The following NIBAN1 variants were observed in gnomAD, a reference collection of about 807,000 sequenced individuals.
NIBAN1 encodes the protein protein Niban 1.
Under a neutral mutation model 75.1 loss-of-function variants are expected in NIBAN1, and 81 were observed. That is an observed-to-expected ratio of 1.08 (90% confidence interval 0.90 to 1.30). The LOEUF is 1.30. NIBAN1 is among the 50% of genes most tolerant of loss of function. The probability of loss-of-function intolerance (pLI) is 0.00; values close to 1 mark genes in which losing one functional copy is unlikely to be tolerated. For missense variants in NIBAN1, 1,133 were observed against 1,128.1 expected (o/e 1.00, Z -0.06); for synonymous variants, 436 against 424.8 (o/e 1.03, Z -0.32).
chr1:184,818,522 G>A, intron 9 of NIBAN1, 116 bp downstream of exon 9: 1 of 1,050,260 alleles, frequency 9.5e-7, no homozygotes, highest in Non-Finnish European at 1.4e-6. Context: ...GGGAAGGGCA[G>A]AAGAATGGAA....
chr1:184,930,997 C>CTTTTTTCTT (rs1553229154), intron 1 of NIBAN1, among the ~76,000 whole-genome samples: 2,142 of 114,386 alleles, frequency 0.019, 64 homozygotes, highest in African/African-American at 0.068. Context: ...TTTTCTTCTT[C>CTTTTTTCTT]TTTTTTTTTT....
intron 5 of NIBAN1, among the ~76,000 whole-genome samples, chr1:184,840,127 A>G (rs567254545): frequency 1.4e-4 from 22 of 152,348 alleles, no homozygotes; most frequent in Admixed American, 1.2e-3. Context: ...ATGAAATGGT[A>G]ATAAAAGTTT....
chr1:184,794,756 T>C lies in NIBAN1; in HGVS notation c.*221A>G. 1.6e-6 allele frequency: 1 copy of C among 622,724 alleles called. No individual in the cohort carries two copies. Among genetic ancestry groups the C allele is most frequent in the East Asian group, 2.9e-5 (1 of 34,958 alleles). The allele number at this position is 622,724 out of a possible 1,614,324, so 38.6% of individuals were successfully genotyped here. On this transcript the variant is annotated 3_prime_UTR_variant, in exon 14 of 14. Transcript: ENST00000367511. ...CCCAAGTATGCCATTGTCTTTGTAA[T>C]TCTTATTAAAATACTAAAGCAAAAA... is the stretch of plus-strand genomic sequence containing the variant.
chr1:184,830,811 G>A (rs1469178648), intron 6 of NIBAN1, among the ~76,000 whole-genome samples: 2 of 152,016 alleles, frequency 1.3e-5, no homozygotes, highest in Non-Finnish European at 2.9e-5. Flanking sequence ...GACTAGCCTG[G>A]CCAACATGGT....
Position 184,861,596 on chromosome 1 carries a change from G to A in NIBAN1, c.601+23037C>T, listed in dbSNP as rs373221234. Among the ~76,000 whole-genome samples, 8 of 141,900 alleles carry A rather than the reference G, an allele frequency of 5.6e-5. No homozygotes were observed. The South Asian group carries it at 6.8e-4, about 12-fold the overall frequency. 93.1% of individuals were successfully genotyped at this position (141,900 alleles called of 152,430 possible). ...AAGGAAGGAAGGAGGGAAGGAAGGA[G>A]GGAAGGAAGGAAGGAAAGGAGAATG... On this transcript the variant is annotated intron_variant, in intron 5 of 13. Transcript: ENST00000367511.
At chr1:184,815,626 C>T (rs957387374) in intron 9 of NIBAN1, among the ~76,000 whole-genome samples, 3 of 152,134 alleles carry the variant, frequency 2.0e-5, no homozygotes, top group Non-Finnish European at 4.4e-5. Context: ...CTATTATGTG[C>T]ACTTATAGGG....
At position 184,794,340 on chromosome 1, in the gene NIBAN1, T is replaced by G. The variant is rs1653776929; in HGVS notation, c.*637A>C. On this transcript the variant is annotated 3_prime_UTR_variant, in exon 14 of 14. Transcript: ENST00000367511. ...TCATCAAGATTAATTAATAAGAAAT[T>G]GATAGCAGGATGAGTAACAGGCCCA... 6.5e-6 allele frequency: 1 copy of G among 153,378 alleles called. No individual in the cohort carries two copies. Among genetic ancestry groups the G allele is most frequent in the African/African-American group, 2.4e-5 (1 of 41,436 alleles). 9.5% of individuals were successfully genotyped at this position (153,378 alleles called of 1,614,324 possible). A position where few individuals can be genotyped will look rare whatever the true frequency, so the allele number is the denominator to read the frequency against.
At chr1:184,796,228 T>G in intron 13 of NIBAN1, 131 bp from the exon 14 acceptor site, 1 of 872,422 alleles carries the variant, frequency 1.1e-6, no homozygotes, top group South Asian at 2.0e-5. Flanking sequence ...CCTTCCCTGA[T>G]GACCAAAGTC....
chr1:184,957,856 G>A (rs1291047824), intron 1 of NIBAN1, among the ~76,000 whole-genome samples: 2 of 152,050 alleles, frequency 1.3e-5, no homozygotes, highest in Admixed American at 1.3e-4. Flanking sequence ...ATTTTTTATT[G>A]TATGCCTTAC....
Position 184,792,321 on chromosome 1 carries a change from T to A in NIBAN1, c.*2656A>T, listed in dbSNP as rs1201302401. 2 of 152,338 alleles carry A rather than the reference T, an allele frequency of 1.3e-5. No individual in the cohort carries two copies. The highest frequency in any genetic ancestry group is 1.9e-4 in the East Asian group (1 of 5,194). The allele number at this position is 152,338 out of a possible 1,614,324, so 9.4% of individuals were successfully genotyped here. A position where few individuals can be genotyped will look rare whatever the true frequency, so the allele number is the denominator to read the frequency against. ...GTACATCCTGCCAAATAGTGCCCAG[T>A]CCTCCCTGACCTACATGATGGATAA... On this transcript the variant is annotated 3_prime_UTR_variant, in exon 14 of 14. Transcript: ENST00000367511.
intron 1 of NIBAN1, among the ~76,000 whole-genome samples, chr1:184,951,383 T>A (rs1658353320): frequency 6.6e-6 from 1 of 152,246 alleles, no homozygotes; most frequent in Non-Finnish European, 1.5e-5. Context: ...TGAACCTCAA[T>A]CTTAGCCTGT....
chr1:184,811,167 G>A (rs1182871940), intron 9 of NIBAN1, among the ~76,000 whole-genome samples: 1 of 152,184 alleles, frequency 6.6e-6, no homozygotes, highest in Admixed American at 6.5e-5. Flanking sequence ...ATATCTGACT[G>A]GGTCAGAAAG....
At chr1:184,852,097 G>C (rs1331001258) in intron 5 of NIBAN1, among the ~76,000 whole-genome samples, 1 of 152,118 alleles carries the variant, frequency 6.6e-6, no homozygotes, top group African/African-American at 2.4e-5. Context: ...CTCAAGCCCA[G>C]CTCCTGACCC....
At position 184,974,481 on chromosome 1, in the gene NIBAN1, A is replaced by C; in HGVS notation, c.-125T>G. ...GAGCAAACTTCCTTCGAGAGGCGAG[A>C]GACAGGAGGCAAGAGGCGTCGCCTT... On this transcript the variant is annotated 5_prime_UTR_variant, in exon 1 of 14. Transcript: ENST00000367511. 7.6e-7 allele frequency: 1 copy of C among 1,308,486 alleles called. No homozygotes were observed. Among genetic ancestry groups the C allele is most frequent in the Non-Finnish European group, 1.0e-6 (1 of 964,362 alleles). The allele number at this position is 1,308,486 out of a possible 1,614,324, so 81.1% of individuals were successfully genotyped here.
chr1:184,801,003 C>G (rs1273100699), intron 12 of NIBAN1, among the ~76,000 whole-genome samples: 1 of 152,150 alleles, frequency 6.6e-6, no homozygotes, highest in Non-Finnish European at 1.5e-5. Flanking sequence ...TTCCAAATGG[C>G]TTGCCTTTTA....
rs746527483 is a variant in NIBAN1, at chr1:184,791,095, G to A, written c.*3882C>T. The A allele has an allele frequency of 8.1e-5, 38 of 467,906 alleles. 1 individual carries two copies. Among genetic ancestry groups the A allele is most frequent in the Non-Finnish European group, 1.5e-4 (35 of 226,144 alleles). The allele number at this position is 467,906 out of a possible 1,614,324, so 29.0% of individuals were successfully genotyped here. ...CAGAGTAAATACATGGTTACAAAGT[G>A]TTTTAAGTTTATTTGCTTTATATAG... is the stretch of plus-strand genomic sequence containing the variant. On this transcript the variant is annotated 3_prime_UTR_variant, in exon 14 of 14. Transcript: ENST00000367511.
chr1:184,944,860 C>T (rs1159149706), intron 1 of NIBAN1, among the ~76,000 whole-genome samples: 1 of 152,166 alleles, frequency 6.6e-6, no homozygotes, highest in Non-Finnish European at 1.5e-5. Context: ...ATAATAATTA[C>T]TGGGATTTAG....
At chr1:184,842,936 A>G (rs1655334628) in intron 5 of NIBAN1, among the ~76,000 whole-genome samples, 1 of 152,160 alleles carries the variant, frequency 6.6e-6, no homozygotes, top group Non-Finnish European at 1.5e-5. Context: ...CAAAGGTGAT[A>G]GTAGAAGACC....
chr1:184,911,055 T>C (rs1018546042), intron 1 of NIBAN1, among the ~76,000 whole-genome samples: 2 of 149,610 alleles, frequency 1.3e-5, no homozygotes, highest in Non-Finnish European at 3.0e-5. Context: ...CAATTCTTTA[T>C]AACAAATACA....
Sources: gnomAD v4.1 joint callset for allele counts (sites outside exome capture counted in the v4.1 genomes callset) on GRCh38, gnomAD v4.1.1 for gene constraint, MANE v1.5 for transcripts, NCBI Gene and HGNC (gene_info 2026-07-23, HGNC 2026-07-21) for gene names.